The following NRXN3 variants were observed in gnomAD, a reference collection of about 807,000 sequenced individuals.
The protein encoded by NRXN3 is neurexin 3.
NRXN3 carries 32 observed loss-of-function variants against 137.6 expected under a neutral mutation model. The observed-to-expected ratio is 0.23, with a 90% CI of 0.18 to 0.31. The LOEUF (loss-of-function observed/expected upper bound fraction) is 0.31, where lower values mean the gene tolerates loss of function less well. NRXN3 is among the 10% of genes least tolerant of loss of function. The probability of loss-of-function intolerance (pLI) is 1.00; values close to 1 mark genes in which losing one functional copy is unlikely to be tolerated. For synonymous variants in NRXN3, 798 were observed against 784.5 expected, an observed-to-expected ratio of 1.02 and a Z score of -0.29; for missense variants, 1,574 against 2,062.5, an observed-to-expected ratio of 0.76 and a Z score of 4.59.
At chr14:79,466,414 C>T (rs1365040917) in intron 15 of NRXN3, among the ~76,000 whole-genome samples, 5 of 151,976 alleles carry the variant, frequency 3.3e-5, no homozygotes, top group African/African-American at 9.7e-5. Flanking sequence ...GGTGAAACTC[C>T]GTCTCTACTA....
At chr14:79,297,301 A>G (rs56145897) in intron 15 of NRXN3, among the ~76,000 whole-genome samples, 2,266 of 152,284 alleles carry the variant, frequency 0.015, 27 homozygotes, top group Non-Finnish European at 0.025. Flanking sequence ...TTGTTAGAAA[A>G]TAAAAATGCA....
chr14:79,787,410 C>T (rs1052294927), intron 19 of NRXN3, among the ~76,000 whole-genome samples: 1 of 152,160 alleles, frequency 6.6e-6, no homozygotes, highest in African/African-American at 2.4e-5. Context: ...TATTCTTTTA[C>T]ATGAATGAAT....
At chr14:79,506,329 A>G (rs536773926) in intron 16 of NRXN3, among the ~76,000 whole-genome samples, 1 of 152,302 alleles carries the variant, frequency 6.6e-6, no homozygotes, top group East Asian at 1.9e-4. Context: ...ATAGCTCTTT[A>G]CACAAAACTA....
At chr14:78,449,989 C>G (rs1026125401) in intron 4 of NRXN3, among the ~76,000 whole-genome samples, 1 of 152,172 alleles carries the variant, frequency 6.6e-6, no homozygotes, top group African/African-American at 2.4e-5. Context: ...TGTCTTCAAA[C>G]TCTTAAGCAC....
chr14:78,278,565 G>A lies in NRXN3; in HGVS notation c.710-80G>A. The A allele has an allele frequency of 4.7e-6, 5 of 1,053,184 alleles. No homozygotes were observed. In the South Asian group the frequency reaches 6.7e-5, roughly 14 times the overall value. The allele number at this position is 1,053,184 out of a possible 1,614,324, so 65.2% of individuals were successfully genotyped here. A position where few individuals can be genotyped will look rare whatever the true frequency, so the allele number is the denominator to read the frequency against. Reference sequence around the variant, plus strand: ...AGAGCACATTGCATTGTGTGTGTGTGTGCTGCTAACACTCTTCTTCCTTTT... The same window carrying A: ...AGAGCACATTGCATTGTGTGTGTGTATGCTGCTAACACTCTTCTTCCTTTT... On this transcript the variant is annotated intron_variant, in intron 2 of 20. Transcript: ENST00000335750.
At chr14:78,285,215 A>T (rs2075007498) in intron 3 of NRXN3, among the ~76,000 whole-genome samples, 1 of 152,162 alleles carries the variant, frequency 6.6e-6, no homozygotes, top group Admixed American at 6.5e-5. Flanking sequence ...CCATTACCAA[A>T]GACTTCAACC....
At chr14:79,188,194 G>A (rs1337273676) in intron 15 of NRXN3, among the ~76,000 whole-genome samples, 3 of 152,148 alleles carry the variant, frequency 2.0e-5, no homozygotes, top group Admixed American at 6.5e-5. Flanking sequence ...TACTTTGGCT[G>A]ATAAATTGAG....
At position 79,131,283 on chromosome 14, in the gene NRXN3, T is replaced by G. The variant is rs534493408; in HGVS notation, c.3262+143142T>G. 1.8e-3 allele frequency among the ~76,000 whole-genome samples: 281 copies of G among 152,252 alleles called. 1 individual carries two copies. Among genetic ancestry groups the G allele is most frequent in the African/African-American group, 5.7e-3 (238 of 41,532 alleles). Reference sequence around the variant, plus strand: ...TTTTTAGAGTTTCCAGTTTTTCTGCTCTGTTTTTTCCCCATCTTTGTGGTT... The same window carrying G: ...TTTTTAGAGTTTCCAGTTTTTCTGCGCTGTTTTTTCCCCATCTTTGTGGTT... On this transcript the variant is annotated intron_variant, in intron 15 of 20. Transcript: ENST00000335750.
intron 10 of NRXN3, among the ~76,000 whole-genome samples, chr14:78,827,364 G>A (rs11847902): frequency 0.019 from 2,827 of 151,542 alleles, 89 homozygotes; most frequent in African/African-American, 0.064. Context: ...TTTTTGGTTC[G>A]TTATTCTCTA....
chr14:79,603,886 G>C (rs1055920615), intron 16 of NRXN3, among the ~76,000 whole-genome samples: 7 of 151,102 alleles, frequency 4.6e-5, no homozygotes, highest in African/African-American at 1.7e-4. Flanking sequence ...AAAATTCTTA[G>C]AACAATCTTC....
intron 4 of NRXN3, among the ~76,000 whole-genome samples, chr14:78,641,531 A>C (rs1314214884): frequency 1.3e-5 from 2 of 152,198 alleles, no homozygotes; most frequent in Non-Finnish European, 2.9e-5. Context: ...CATAACATGT[A>C]GGGGAAAATT....
rs569613019 is a variant in NRXN3, at chr14:79,604,762, C to T, written c.3445-59016C>T. On this transcript the variant is annotated intron_variant, in intron 16 of 20. Coordinates refer to ENST00000335750, the MANE Select transcript of NRXN3 (RefSeq NM_001330195.2). ...AAACATCATTCAGGGTTGGGTGTGG[C>T]GGCTCATGCCTATAATCCCAGCACT... Among the ~76,000 whole-genome samples, 20 of 152,046 alleles carry T rather than the reference C, an allele frequency of 1.3e-4. 1 individual carries two copies. Among genetic ancestry groups the T allele is most frequent in the South Asian group, 8.3e-4 (4 of 4,810 alleles).
At chr14:78,191,339 A>G (rs1416096304) in intron 1 of NRXN3, among the ~76,000 whole-genome samples, 2 of 152,122 alleles carry the variant, frequency 1.3e-5, no homozygotes, top group African/African-American at 4.8e-5. Flanking sequence ...GAGAGGTTTT[A>G]TGGCTTCCCT....
At chr14:78,313,577 A>G (rs1185291578) in intron 4 of NRXN3, among the ~76,000 whole-genome samples, 1 of 152,128 alleles carries the variant, frequency 6.6e-6, no homozygotes, top group African/African-American at 2.4e-5. Flanking sequence ...AAGAAAACAG[A>G]GGCCCAAGGT....
rs1567013058 is a variant in NRXN3, at chr14:78,225,975, GT to G, written c.-703-16415del. On this transcript the variant is annotated intron_variant, in intron 1 of 20. Transcript: ENST00000335750. Reference sequence around the variant, plus strand: ...TTGGTGTGTGTGTGTGTGTGTGTTGGTGTGTGTGTGTGTGTGTGTGTGTGTG... The same window carrying G: ...TTGGTGTGTGTGTGTGTGTGTGTTGGGTGTGTGTGTGTGTGTGTGTGTGTG... Among the ~76,000 whole-genome samples, 145 of 75,612 alleles carry G rather than the reference GT, an allele frequency of 1.9e-3. 2 individuals carry two copies. In the East Asian group the frequency reaches 0.042, roughly 22 times the overall value. The allele number at this position is 75,612 out of a possible 152,430, so 49.6% of individuals were successfully genotyped here.
intron 4 of NRXN3, among the ~76,000 whole-genome samples, chr14:78,591,119 G>T (rs888192490): frequency 1.3e-5 from 2 of 152,282 alleles, no homozygotes; most frequent in Admixed American, 1.3e-4. Context: ...AGGAAGTAGT[G>T]AGCTATGTCC....
chr14:78,841,709 A>G (rs920602271), intron 10 of NRXN3, among the ~76,000 whole-genome samples: 1 of 152,042 alleles, frequency 6.6e-6, no homozygotes, highest in Admixed American at 6.6e-5. Flanking sequence ...AACACACATT[A>G]CTTGGATATT....
In NRXN3 at chr14:78,459,029, C is replaced by A. The variant is rs545642385; in HGVS notation, c.757+161169C>A. 5.9e-4 allele frequency among the ~76,000 whole-genome samples: 90 copies of A among 152,316 alleles called. 1 individual carries two copies. Among genetic ancestry groups the A allele is most frequent in the African/African-American group, 2.0e-3 (85 of 41,570 alleles). On this transcript the variant is annotated intron_variant, in intron 4 of 20. Coordinates refer to ENST00000335750, the MANE Select transcript of NRXN3 (RefSeq NM_001330195.2). The stretch of plus-strand genomic sequence containing the variant: ...TTTGAGTCAATTTGGACTCTACTCC[C>A]AGCCCAAGTAATCTTTTCCTTCTTG...
chr14:79,489,527 C>T (rs182987172), intron 16 of NRXN3, among the ~76,000 whole-genome samples: 11 of 152,216 alleles, frequency 7.2e-5, no homozygotes, highest in South Asian at 2.1e-4. Flanking sequence ...CTACAGACAC[C>T]GGGCTCGTTT....
Sources: allele counts gnomAD v4.1 joint callset (sites outside exome capture counted in the v4.1 genomes callset), GRCh38; gene constraint gnomAD v4.1.1; transcripts MANE v1.5; gene names NCBI Gene and HGNC (gene_info 2026-07-23, HGNC 2026-07-21).